Variants in SLC26A4 observed in about 807,000 individuals in gnomAD.
SLC26A4 encodes the protein solute carrier family 26 member 4.
Under a neutral mutation model 90.4 loss-of-function variants are expected in SLC26A4, and 93 were observed. The observed-to-expected ratio is 1.03, with a 90% confidence interval of 0.87 to 1.22. The LOEUF (loss-of-function observed/expected upper bound fraction) is 1.22. SLC26A4 is among the 50% of genes most tolerant of loss of function. The pLI is 0.00. For missense variants in SLC26A4, 1,127 were observed against 946.2 expected, an observed-to-expected ratio of 1.19 and a Z score of -2.51; for synonymous variants, 393 against 354.6, an observed-to-expected ratio of 1.11 and a Z score of -1.22.
intron 9 of SLC26A4, among the ~76,000 whole-genome samples, chr7:107,689,882 G>C (rs1457019481): frequency 6.6e-6 from 1 of 152,112 alleles, no homozygotes; most frequent in Non-Finnish European, 1.5e-5. Context: ...AAATGATCAG[G>C]TGCTATTTCT....
At chr7:107,705,397 C>T (rs1792013227) in intron 18 of SLC26A4, among the ~76,000 whole-genome samples, 1 of 152,062 alleles carries the variant, frequency 6.6e-6, no homozygotes, top group African/African-American at 2.4e-5. Flanking sequence ...GTATAATGTA[C>T]CAGGAAGACT....
intron 6 of SLC26A4, among the ~76,000 whole-genome samples, chr7:107,676,859 G>A (rs905432702): frequency 1.3e-5 from 2 of 152,146 alleles, no homozygotes; most frequent in Non-Finnish European, 2.9e-5. Flanking sequence ...AATAGACAGA[G>A]GAGGCAGAAT....
intron 17 of SLC26A4, among the ~76,000 whole-genome samples, chr7:107,703,574 G>A (rs1287455957): frequency 6.6e-6 from 1 of 152,108 alleles, no homozygotes; most frequent in African/African-American, 2.4e-5. Flanking sequence ...AGACTATATT[G>A]GCCAGAGAGT....
chr7:107,679,473 T>C (rs1359150946), intron 6 of SLC26A4, among the ~76,000 whole-genome samples: 3 of 152,160 alleles, frequency 2.0e-5, no homozygotes, highest in Admixed American at 6.5e-5. Flanking sequence ...TCAGTTCCAA[T>C]AGTAAACTGA....
At chr7:107,677,650 G>A (rs944706657) in intron 6 of SLC26A4, among the ~76,000 whole-genome samples, 3 of 150,960 alleles carry the variant, frequency 2.0e-5, no homozygotes, top group Admixed American at 2.0e-4. Flanking sequence ...CCATTGCCTG[G>A]GCTGGAGTAC....
intron 2 of SLC26A4, chr7:107,662,233 T>C: frequency 5.4e-6 from 1 of 184,004 alleles, no homozygotes; most frequent in Admixed American, 5.9e-5. Flanking sequence ...ACCATTCAGT[T>C]AGAGACCAGG....
At position 107,661,726 on chromosome 7, in the gene SLC26A4, G is replaced by C. The variant is rs111033205; in HGVS notation, c.85G>C (p.Glu29Gln). The C allele has an allele frequency of 1.5e-4, 238 of 1,557,858 alleles. No individual in the cohort carries two copies. The highest frequency in any genetic ancestry group is 2.0e-4 in the Non-Finnish European group (228 of 1,155,022). ...CATGGTGTCGCGGCCGGTCTACAGC[G>C]AGCTCGCTTTCCAGCAACAGCACGA... ...SYMVSRPVYS[E>Q]LAFQQQHERR... The change falls in exon 2 of 21, where the codon GAG becomes CAG. Residue 29 changes from glutamate (E) to glutamine (Q), a missense_variant. Physicochemically the swap from Glu to Gln is conservative, Grantham distance 29. Transcript: ENST00000644269. This position sits in a 1 kb window ranked among gnomAD's most constrained non-coding sequence, Gnocchi z 5.1.
At chr7:107,682,114 A>AAAC (rs1791252839) in intron 6 of SLC26A4, among the ~76,000 whole-genome samples, 1 of 141,534 alleles carries the variant, frequency 7.1e-6, no homozygotes, top group African/African-American at 2.6e-5. Context: ...TAAAAAAAAA[A>AAAC]AAAAAAAAAA....
At chr7:107,666,180 A>G (rs1270484153) in intron 3 of SLC26A4, among the ~76,000 whole-genome samples, 1 of 152,176 alleles carries the variant, frequency 6.6e-6, no homozygotes, top group Non-Finnish European at 1.5e-5. Flanking sequence ...ATTGTGGTGG[A>G]TTAAATATAC....
intron 18 of SLC26A4, among the ~76,000 whole-genome samples, chr7:107,707,081 G>A (rs2129319323): frequency 6.6e-6 from 1 of 152,278 alleles, no homozygotes; most frequent in South Asian, 2.1e-4. Flanking sequence ...AGGTAGCAGT[G>A]AGCCCAGATG....
chr7:107,699,248 A>G (rs529882163), intron 14 of SLC26A4, among the ~76,000 whole-genome samples: 1 of 152,284 alleles, frequency 6.6e-6, no homozygotes, highest in South Asian at 2.1e-4. Flanking sequence ...TCAGCCTCTC[A>G]GGACCTCAGT....
chr7:107,669,816 C>A (rs1392420355), intron 3 of SLC26A4, among the ~76,000 whole-genome samples: 1 of 152,138 alleles, frequency 6.6e-6, no homozygotes, highest in Non-Finnish European at 1.5e-5. Flanking sequence ...ATACAGATAA[C>A]CCATTGATAT....
chr7:107,694,714 G>A lies in SLC26A4; in HGVS notation c.1435G>A (p.Ala479Thr), dbSNP rs546115565. Residue 479 changes from alanine (A) to threonine (T), a missense_variant and splice_region_variant, in exon 12 of 21, where the codon GCT (alanine) becomes ACT (threonine). By Grantham distance (58) the Ala-to-Thr change is moderately conservative. Coordinates refer to ENST00000644269, the MANE Select transcript of SLC26A4 (RefSeq NM_000441.2). ...TCTGTGGAGACAGAATAAGATTGAT[G>A]CTGTAAGTCACCTACCACCTATATT... is the stretch of plus-strand genomic sequence containing the variant. The part of the protein sequence containing the change: ...PRLWRQNKID[A>T]VIWVFTCIVS... 2 of 1,594,754 alleles carry A rather than the reference G, an allele frequency of 1.3e-6. No individual in the cohort carries two copies. The highest frequency in any genetic ancestry group is 1.7e-5 in the Admixed American group (1 of 59,962).
chr7:107,669,476 C>G (rs1354253653), intron 3 of SLC26A4, among the ~76,000 whole-genome samples: 1 of 152,168 alleles, frequency 6.6e-6, no homozygotes, highest in African/African-American at 2.4e-5. Context: ...ATGAAATAGA[C>G]AAGTTGTGCT....
chr7:107,682,131 T>G (rs10273002), intron 6 of SLC26A4, among the ~76,000 whole-genome samples: 1 of 97,566 alleles, frequency 1.0e-5, no homozygotes, highest in African/African-American at 4.1e-5. Context: ...AAAAAAAAAA[T>G]TTTTTTTATG....
rs762221473 is a variant in SLC26A4 at position 107,675,002 on chromosome 7, G to T, written c.658G>T (p.Val220Phe). Residue 220 changes from valine (V) to phenylalanine (F), a missense_variant, in exon 6 of 21, where the codon GTT (valine) becomes TTT (phenylalanine). Coordinates refer to ENST00000644269, the MANE Select transcript of SLC26A4 (RefSeq NM_000441.2). Reference protein sequence around the residue: ...FIVRYLADPLVGGFTTAAAFQ... With the variant: ...FIVRYLADPLFGGFTTAAAFQ... Reference sequence around the variant, plus strand: ...AGTGAGGTACTTGGCAGATCCTTTGGTTGGTGGCTTCACAACAGCTGCTGC... The same window carrying T: ...AGTGAGGTACTTGGCAGATCCTTTGTTTGGTGGCTTCACAACAGCTGCTGC... 1 of 1,614,022 alleles carries T rather than the reference G, an allele frequency of 6.2e-7. No homozygotes were observed. Among genetic ancestry groups the T allele is most frequent in the Admixed American group, 1.7e-5 (1 of 60,012 alleles).
intron 19 of SLC26A4, among the ~76,000 whole-genome samples, chr7:107,711,672 G>A (rs2712207): frequency 0.2 from 29,787 of 152,108 alleles, 3,602 homozygotes; most frequent in South Asian, 0.41. Flanking sequence ...GGTGAATGAT[G>A]ATAAACTCCT....
chr7:107,694,170 A>G (rs1183939069), intron 10 of SLC26A4, among the ~76,000 whole-genome samples: 3 of 152,208 alleles, frequency 2.0e-5, no homozygotes, highest in Non-Finnish European at 1.5e-5. Flanking sequence ...TCATAGGATC[A>G]GTCCCCATAT....
At chr7:107,693,796 G>A (rs1791649813) in intron 10 of SLC26A4, 17 of 798,642 alleles carry the variant, frequency 2.1e-5, no homozygotes, top group Middle Eastern at 6.5e-4. Flanking sequence ...GCCTGCCTCC[G>A]TGGAACTGTC....
Sources: allele counts gnomAD v4.1 joint callset (sites outside exome capture counted in the v4.1 genomes callset), GRCh38; gene constraint gnomAD v4.1.1; non-coding constraint Gnocchi (gnomAD v3.1); transcripts MANE v1.5; gene names NCBI Gene and HGNC (gene_info 2026-07-23, HGNC 2026-07-21).